The following PRR14L variants were observed in gnomAD, a reference collection of about 807,000 sequenced individuals.
The protein encoded by PRR14L is proline rich 14 like.
PRR14L carries 80 observed loss-of-function variants against 155.0 expected under a neutral mutation model. The observed-to-expected ratio is 0.52, with a 90% CI of 0.43 to 0.62. The LOEUF (loss-of-function observed/expected upper bound fraction) is 0.62. Ranked by LOEUF, PRR14L falls within the 20% of genes least tolerant of loss-of-function variation. The probability of loss-of-function intolerance (pLI) is 0.00; values close to 1 mark genes in which losing one functional copy is unlikely to be tolerated. For missense variants in PRR14L, 2,469 were observed against 2,548.0 expected, an observed-to-expected ratio of 0.97 and a Z score of 0.67; for synonymous variants, 883 against 916.0, an observed-to-expected ratio of 0.96 and a Z score of 0.65.
chr22:31,739,357 T>C (rs1436728509), intron 1 of PRR14L, among the ~76,000 whole-genome samples: 1 of 152,200 alleles, frequency 6.6e-6, no homozygotes, highest in Non-Finnish European at 1.5e-5. Flanking sequence ...AATGAATATA[T>C]ACTGAGGAAC....
intron 7 of PRR14L, among the ~76,000 whole-genome samples, chr22:31,699,873 T>G (rs1401487780): frequency 2.0e-5 from 3 of 152,032 alleles, no homozygotes; most frequent in African/African-American, 7.2e-5. Flanking sequence ...TTCAAGGGTT[T>G]TTTTTTTTTG....
At chr22:31,731,920 T>C (rs369787699) in intron 2 of PRR14L, among the ~76,000 whole-genome samples, 2 of 152,230 alleles carry the variant, frequency 1.3e-5, no homozygotes, top group East Asian at 1.9e-4. Context: ...TCACTTGTTA[T>C]AGTTTCTATT....
intron 6 of PRR14L, among the ~76,000 whole-genome samples, chr22:31,702,093 C>T (rs114944653): frequency 0.015 from 2,251 of 152,260 alleles, 53 homozygotes; most frequent in African/African-American, 0.052. Context: ...TGCCACCACC[C>T]CTGGCATATT....
rs1309232839 is a variant in PRR14L at position 31,714,492 on chromosome 22, G to A, written c.3347C>T (p.Pro1116Leu). The change falls in exon 4 of 9, where the codon CCA becomes CTA. Residue 1116 changes from proline to leucine, a missense_variant. By Grantham distance (98) the Pro-to-Leu change is moderately conservative. This residue lies in a region of PRR14L where 2,363 missense variants were observed against 2,371.6 expected (regional missense o/e 1.00). Transcript: ENST00000327423. ...TGTTGQDSDF[P>L]VTAASTVDFL... is the part of the protein sequence containing the mutation. ...GTCCACTGTAGAAGCAGCAGTAACT[G>A]GGAAATCTGAATCCTGACCAGTTGT... 6 of 1,551,972 alleles carry A rather than the reference G, an allele frequency of 3.9e-6. No individual in the cohort carries two copies. The highest frequency in any genetic ancestry group is 4.4e-6 in the Non-Finnish European group (5 of 1,147,066).
At position 31,712,245 on chromosome 22, in the gene PRR14L, G is replaced by C; in HGVS notation, c.5594C>G (p.Ser1865Cys). ...GACCTTGTCTGCTATGGAGGCTGGA[G>C]ACCGTAACCCTTTCAGGCCCTGTGT... The part of the protein sequence containing the change: ...QFTQGLKGLR[S>C]PASIADKVFC... The change falls in exon 4 of 9, where the codon TCT (serine) becomes TGT (cysteine). Residue 1865 changes from serine to cysteine, a missense_variant. Around this residue, in one of 2 missense-constraint regions of PRR14L, gnomAD observed 2,363 missense variants for 2,371.6 expected, o/e 1.00. Coordinates refer to ENST00000327423, the MANE Select transcript of PRR14L (RefSeq NM_173566.3). The C allele has an allele frequency of 6.2e-7, 1 of 1,614,202 alleles. No individual in the cohort carries two copies. The highest frequency in any genetic ancestry group is 1.1e-5 in the South Asian group (1 of 91,082).
At chr22:31,706,965 C>G (rs765038184) in intron 4 of PRR14L, among the ~76,000 whole-genome samples, 1 of 151,920 alleles carries the variant, frequency 6.6e-6, no homozygotes, top group Admixed American at 6.6e-5. Flanking sequence ...AGGAGAATCG[C>G]TTGAACCCGG....
intron 7 of PRR14L, among the ~76,000 whole-genome samples, chr22:31,700,901 G>C (rs1186571712): frequency 2.6e-5 from 4 of 152,008 alleles, no homozygotes; most frequent in African/African-American, 9.7e-5. Flanking sequence ...TATTTTACAG[G>C]GAAGCTCCTG....
chr22:31,733,715 T>C (rs2147873586), intron 2 of PRR14L, among the ~76,000 whole-genome samples: 1 of 152,290 alleles, frequency 6.6e-6, no homozygotes, highest in African/African-American at 2.4e-5. Context: ...CCACCAGCAA[T>C]GTATTAGAAT....
At chr22:31,739,315 T>C (rs369451095) in intron 1 of PRR14L, among the ~76,000 whole-genome samples, 209 of 152,330 alleles carry the variant, frequency 1.4e-3, no homozygotes, top group African/African-American at 4.7e-3. Flanking sequence ...CCCCATGCTA[T>C]CCCATAGTAC....
chr22:31,716,161 C>T lies in PRR14L; in HGVS notation c.1678G>A (p.Ala560Thr). The T allele has an allele frequency of 6.4e-7, 1 of 1,551,414 alleles. No individual in the cohort carries two copies. The highest frequency in any genetic ancestry group is 8.7e-7 in the Non-Finnish European group (1 of 1,146,848). Residue 560 changes from alanine to threonine, a missense_variant, in exon 4 of 9, where the codon GCA becomes ACA. This residue lies in a region of PRR14L where 2,363 missense variants were observed against 2,371.6 expected (regional missense o/e 1.00). Coordinates refer to ENST00000327423, the MANE Select transcript of PRR14L (RefSeq NM_173566.3). ...NLEGNTQLNE[A>T]SCNDFLFERK... ...TCAAACAGAAAATCATTACATGATG[C>T]TTCATTTAACTGGGTGTTGCCTTCC...
intron 2 of PRR14L, among the ~76,000 whole-genome samples, chr22:31,737,482 A>G (rs778635678): frequency 6.6e-6 from 1 of 151,346 alleles, no homozygotes; most frequent in Non-Finnish European, 1.5e-5. Flanking sequence ...CTCTGTCTCA[A>G]AAAAAAGAAA....
chr22:31,701,172 G>A (rs1286674512), intron 7 of PRR14L, among the ~76,000 whole-genome samples: 4 of 151,886 alleles, frequency 2.6e-5, no homozygotes, highest in Admixed American at 2.0e-4. Context: ...ATTTTTAGTA[G>A]AGATGGGGTT....
At chr22:31,709,207 T>C (rs907812629) in intron 4 of PRR14L, among the ~76,000 whole-genome samples, 6 of 151,820 alleles carry the variant, frequency 4.0e-5, no homozygotes, top group Admixed American at 1.3e-4. Context: ...CCTCCCAAAG[T>C]GCTGGGATTA....
At chr22:31,699,680 A>T (rs148013653) in intron 7 of PRR14L, among the ~76,000 whole-genome samples, 1 of 152,214 alleles carries the variant, frequency 6.6e-6, no homozygotes, top group Non-Finnish European at 1.5e-5. Context: ...TGTACTCCAT[A>T]ATTTATTTCT....
chr22:31,734,468 G>C (rs2074767798), intron 2 of PRR14L, among the ~76,000 whole-genome samples: 1 of 152,142 alleles, frequency 6.6e-6, no homozygotes, highest in Non-Finnish European at 1.5e-5. Context: ...GGATGCCTGG[G>C]GTTTGCAAAT....
intron 4 of PRR14L, 81 bp downstream of exon 4, chr22:31,711,980 GAGGACTCTAAATAGCCTTGCAT>G: frequency 9.2e-7 from 1 of 1,083,212 alleles, no homozygotes; most frequent in African/African-American, 1.6e-5. Context: ...GCAGACCCAA[GAGGACTCTAAATAGCCTTGCAT>G]TTCCCGCAGT....
intron 4 of PRR14L, among the ~76,000 whole-genome samples, chr22:31,705,722 G>A (rs1452551457): frequency 6.6e-6 from 1 of 151,894 alleles, no homozygotes; most frequent in Non-Finnish European, 1.5e-5. Flanking sequence ...CTATACAGCC[G>A]GGCACAGTGG....
chr22:31,687,267 C>A (rs1254221144), intron 8 of PRR14L, among the ~76,000 whole-genome samples: 1 of 151,772 alleles, frequency 6.6e-6, no homozygotes, highest in African/African-American at 2.4e-5. Flanking sequence ...AACTCCTGAC[C>A]TCAGGTGATT....
intron 2 of PRR14L, among the ~76,000 whole-genome samples, chr22:31,733,187 C>G (rs150782480): frequency 1.3e-5 from 2 of 151,848 alleles, no homozygotes; most frequent in Non-Finnish European, 2.9e-5. Context: ...GGGGGTTTCA[C>G]CAGGTTGGCC....
Sources: allele counts gnomAD v4.1 joint callset (sites outside exome capture counted in the v4.1 genomes callset), GRCh38; gene constraint gnomAD v4.1.1; regional missense constraint gnomAD v4.1.1; transcripts MANE v1.5; gene names NCBI Gene and HGNC (gene_info 2026-07-23, HGNC 2026-07-21).